The following SYNPR variants were observed in gnomAD, a reference collection of about 807,000 sequenced individuals.
SYNPR encodes synaptoporin.
A neutral mutation model predicts 32.9 loss-of-function variants in SYNPR; 23 were observed. The ratio of observed to expected loss-of-function variants is 0.70; its 90% CI spans 0.50 to 0.99. SYNPR has a LOEUF of 0.99. SYNPR is among the 50% of genes least tolerant of loss of function. The pLI, the probability that SYNPR is intolerant of heterozygous loss-of-function variation, is 0.00. For missense variants in SYNPR, 318 were observed against 349.3 expected (o/e 0.91, Z 0.71); for synonymous variants, 146 against 135.9 (o/e 1.07, Z -0.52).
intron 2 of SYNPR, among the ~76,000 whole-genome samples, chr3:63,367,182 G>A (rs1048144512): frequency 2.6e-5 from 4 of 152,128 alleles, no homozygotes; most frequent in African/African-American, 9.7e-5. Flanking sequence ...GCCCACTGGG[G>A]AAAGTAAGGA....
At chr3:63,296,529 A>G (rs755028166) in intron 2 of SYNPR, among the ~76,000 whole-genome samples, 1 of 152,160 alleles carries the variant, frequency 6.6e-6, no homozygotes, top group African/African-American at 2.4e-5. Context: ...GGTTTTTGAG[A>G]TGATGGAATT....
chr3:63,264,564 C>T (rs2086465046), intron 2 of SYNPR, among the ~76,000 whole-genome samples: 1 of 152,114 alleles, frequency 6.6e-6, no homozygotes, highest in Non-Finnish European at 1.5e-5. Flanking sequence ...AATTGTGTCT[C>T]CAGAACTAAA....
intron 2 of SYNPR, among the ~76,000 whole-genome samples, chr3:63,326,627 G>A (rs903474558): frequency 2.0e-5 from 3 of 152,196 alleles, no homozygotes; most frequent in Admixed American, 1.3e-4. Flanking sequence ...TAGAAGCCCA[G>A]AAGCCAGATG....
Position 63,400,596 on chromosome 3 carries a change from T to A in SYNPR, c.85-80236T>A, listed in dbSNP as rs141989228. ...AGAGAGATCAAGGAGGAAGCCACAG[T>A]GCCTTTTTCGAGATAACCTGGGAAG... On this transcript the variant is annotated intron_variant, in intron 2 of 5. Coordinates refer to ENST00000478300, the MANE Select transcript of SYNPR (RefSeq NM_001130003.2). Among the ~76,000 whole-genome samples, 229 of 152,332 alleles carry A rather than the reference T, an allele frequency of 1.5e-3. 3 individuals carry two copies. Among genetic ancestry groups the A allele is most frequent in the Middle Eastern group, 0.01 (3 of 294 alleles).
intron 2 of SYNPR, among the ~76,000 whole-genome samples, chr3:63,471,609 T>C (rs770284859): frequency 1.3e-5 from 2 of 152,072 alleles, no homozygotes; most frequent in Admixed American, 1.3e-4. Flanking sequence ...GTATAGGGAG[T>C]GGAGCATGAG....
At chr3:63,233,824 G>A (rs777664133) in intron 1 of SYNPR, among the ~76,000 whole-genome samples, 2 of 152,184 alleles carry the variant, frequency 1.3e-5, no homozygotes, top group African/African-American at 4.8e-5. Context: ...TGTATGTTAT[G>A]AGATAGCCTT....
chr3:63,371,325 T>G (rs2087809912), intron 2 of SYNPR, among the ~76,000 whole-genome samples: 1 of 151,760 alleles, frequency 6.6e-6, no homozygotes, highest in South Asian at 2.1e-4. Context: ...CTAGGAGCCT[T>G]GGATCCCCAG....
At chr3:63,501,494 CAAAAAAAAA>C (rs377290258) in intron 3 of SYNPR, among the ~76,000 whole-genome samples, 3 of 96,746 alleles carry the variant, frequency 3.1e-5, no homozygotes, top group Admixed American at 1.1e-4. Flanking sequence ...CTCCCCCAAC[CAAAAAAAAA>C]AAAAAAAAAA....
chr3:63,500,538 A>G (rs200160532), intron 3 of SYNPR, among the ~76,000 whole-genome samples: 43,240 of 151,932 alleles, frequency 0.28, 7,108 homozygotes, highest in African/African-American at 0.46. Flanking sequence ...AAGAAAAAGT[A>G]CTGAATATAT....
At chr3:63,449,469 C>G (rs376033773) in intron 2 of SYNPR, among the ~76,000 whole-genome samples, 3 of 152,242 alleles carry the variant, frequency 2.0e-5, no homozygotes, top group African/African-American at 7.2e-5. Context: ...AGATGTTAAG[C>G]AGCATCCCTG....
At chr3:63,391,358 C>G (rs982886679) in intron 2 of SYNPR, among the ~76,000 whole-genome samples, 3 of 152,178 alleles carry the variant, frequency 2.0e-5, no homozygotes, top group Non-Finnish European at 4.4e-5. Context: ...GTATCTTAGT[C>G]AAGTAATGGG....
At chr3:63,353,121 G>A (rs1374700670) in intron 2 of SYNPR, among the ~76,000 whole-genome samples, 1 of 152,234 alleles carries the variant, frequency 6.6e-6, no homozygotes, top group African/African-American at 2.4e-5. Context: ...CAGGTTCTTT[G>A]TCTCTCAGTA....
At chr3:63,464,815 T>G (rs1239254572) in intron 2 of SYNPR, among the ~76,000 whole-genome samples, 1 of 152,216 alleles carries the variant, frequency 6.6e-6, no homozygotes, top group Non-Finnish European at 1.5e-5. Context: ...TGACAGTATT[T>G]TAACCTTGCT....
intron 4 of SYNPR, among the ~76,000 whole-genome samples, chr3:63,579,819 A>G (rs917202001): frequency 9.3e-5 from 14 of 150,168 alleles, no homozygotes; most frequent in East Asian, 3.9e-4. Flanking sequence ...ACACACACAC[A>G]CACACGCACA....
chr3:63,383,143 T>A (rs1295838933), intron 2 of SYNPR, among the ~76,000 whole-genome samples: 2 of 152,216 alleles, frequency 1.3e-5, no homozygotes. Context: ...ATTCATTGCA[T>A]AGTTTCCCAT....
At chr3:63,391,874 G>A (rs778852563) in intron 2 of SYNPR, among the ~76,000 whole-genome samples, 41 of 152,186 alleles carry the variant, frequency 2.7e-4, no homozygotes, top group Non-Finnish European at 2.8e-4. Context: ...TGTACCCGAT[G>A]TCTCGTGGCT....
chr3:63,394,616 C>A (rs1185965102), intron 2 of SYNPR, among the ~76,000 whole-genome samples: 1 of 152,130 alleles, frequency 6.6e-6, no homozygotes, highest in Non-Finnish European at 1.5e-5. Flanking sequence ...AGGCGTCATT[C>A]AGCTTTCTTC....
At chr3:63,485,263 C>A (rs1005478316) in intron 3 of SYNPR, among the ~76,000 whole-genome samples, 2 of 151,656 alleles carry the variant, frequency 1.3e-5, no homozygotes, top group Non-Finnish European at 2.9e-5. Context: ...AAGGAGAAGA[C>A]CAAATGGAAA....
intron 3 of SYNPR, among the ~76,000 whole-genome samples, chr3:63,548,315 A>T (rs1702446091): frequency 6.6e-6 from 1 of 152,050 alleles, no homozygotes; most frequent in African/African-American, 2.4e-5. Context: ...CCAACAGGTG[A>T]TCTTTAGTGA....
Sources: allele counts gnomAD v4.1 joint callset (sites outside exome capture counted in the v4.1 genomes callset), GRCh38; gene constraint gnomAD v4.1.1; transcripts MANE v1.5; gene names NCBI Gene and HGNC (gene_info 2026-07-23, HGNC 2026-07-21).